PSEN1: variants seen among roughly 807,000 people sequenced by gnomAD.
The protein encoded by PSEN1 is presenilin-1.
In PSEN1, 15 loss-of-function variants were observed where a neutral mutation model predicts 53.5. That is an observed-to-expected ratio of 0.28 (90% CI 0.19 to 0.43). The LOEUF (loss-of-function observed/expected upper bound fraction) is 0.43. PSEN1 is among the 20% of genes least tolerant of loss of function. The pLI is 1.00. For synonymous variants in PSEN1, 208 were observed against 209.8 expected, an observed-to-expected ratio of 0.99 and a Z score of 0.08; for missense variants, 387 against 571.2, an observed-to-expected ratio of 0.68 and a Z score of 3.29.
intron 5 of PSEN1, among the ~76,000 whole-genome samples, chr14:73,175,229 C>T (rs559571258): frequency 6.6e-6 from 1 of 152,104 alleles, no homozygotes; most frequent in Non-Finnish European, 1.5e-5. Context: ...TGGGTTCAAG[C>T]GATTCTTCTG....
At chr14:73,139,999 A>G (rs1057330590) in intron 1 of PSEN1, among the ~76,000 whole-genome samples, 3 of 152,182 alleles carry the variant, frequency 2.0e-5, no homozygotes, top group Non-Finnish European at 4.4e-5. Flanking sequence ...ATCATTTTTC[A>G]TTAAAAATTA....
intron 5 of PSEN1, among the ~76,000 whole-genome samples, chr14:73,179,776 A>C (rs898589216): frequency 3.9e-5 from 6 of 152,170 alleles, no homozygotes; most frequent in African/African-American, 1.4e-4. Context: ...AAAAGTGGTC[A>C]GCTCACTGCT....
At chr14:73,195,121 G>C (rs1033222880) in intron 7 of PSEN1, among the ~76,000 whole-genome samples, 3 of 152,182 alleles carry the variant, frequency 2.0e-5, no homozygotes, top group African/African-American at 7.2e-5. Flanking sequence ...CTGTGAGTAA[G>C]AATGCCAGGT....
intron 10 of PSEN1, among the ~76,000 whole-genome samples, chr14:73,214,997 C>T (rs1051166880): frequency 1.3e-4 from 20 of 151,942 alleles, no homozygotes; most frequent in African/African-American, 4.8e-4. Flanking sequence ...CAATTTCGCT[C>T]GTTGCCTAGG....
intron 6 of PSEN1, chr14:73,189,899 TG>T: frequency 5.4e-6 from 1 of 186,234 alleles, no homozygotes. Flanking sequence ...CTTGACCGGG[TG>T]GGCACTGAGC....
intron 7 of PSEN1, among the ~76,000 whole-genome samples, chr14:73,197,218 C>T (rs1211285645): frequency 6.6e-6 from 1 of 152,124 alleles, no homozygotes. Context: ...CAGGCGTGAG[C>T]CACTGCGCCC....
intron 8 of PSEN1, among the ~76,000 whole-genome samples, chr14:73,204,040 C>T (rs190403365): frequency 1.1e-3 from 173 of 152,104 alleles, no homozygotes; most frequent in Non-Finnish European, 2.1e-3. Flanking sequence ...CTCTCATTGC[C>T]CAGGCTGGAG....
intron 5 of PSEN1, chr14:73,173,938 C>T (rs768509574): frequency 2.4e-5 from 15 of 622,354 alleles, no homozygotes; most frequent in Non-Finnish European, 4.3e-5. Flanking sequence ...TCACTTGGGC[C>T]CAGGAGTTCA....
At chr14:73,188,827 C>T (rs1209301649) in intron 6 of PSEN1, among the ~76,000 whole-genome samples, 1 of 152,056 alleles carries the variant, frequency 6.6e-6, no homozygotes, top group African/African-American at 2.4e-5. Context: ...CTCACTCTGT[C>T]ATCCAGGCTG....
chr14:73,185,615 A>G (rs1898480621), intron 5 of PSEN1, among the ~76,000 whole-genome samples: 2 of 152,006 alleles, frequency 1.3e-5, no homozygotes, highest in East Asian at 1.9e-4. Flanking sequence ...CCGTGGGGAG[A>G]GAGAGGGAGA....
rs200372973 is a variant in PSEN1, at chr14:73,219,679, T to G, written c.*390T>G. On this transcript the variant is annotated 3_prime_UTR_variant, in exon 12 of 12. Coordinates refer to ENST00000324501, the MANE Select transcript of PSEN1 (RefSeq NM_000021.4). The stretch of plus-strand genomic sequence containing the variant: ...TACCAAGAGGTTAGGTGAAGTGGTT[T>G]AAACCAAACGGAACTCTTCATCTTA... 1.3e-4 allele frequency: 38 copies of G among 283,454 alleles called. No homozygotes were observed. The highest frequency in any genetic ancestry group is 2.5e-4 in the Non-Finnish European group (36 of 144,910). 17.6% of individuals were successfully genotyped at this position (283,454 alleles called of 1,614,324 possible). A position where few individuals can be genotyped will look rare whatever the true frequency, so the allele number is the denominator to read the frequency against.
intron 9 of PSEN1, among the ~76,000 whole-genome samples, chr14:73,210,148 G>GAGAGATT (rs1270048057): frequency 6.6e-6 from 1 of 152,140 alleles, no homozygotes; most frequent in Admixed American, 6.5e-5. Context: ...CAAAAGAACT[G>GAGAGATT]AGAGATTACC....
chr14:73,206,600 A>C (rs1259652371), intron 9 of PSEN1, 128 bp downstream of exon 9: 1 of 710,134 alleles, frequency 1.4e-6, no homozygotes, highest in Admixed American at 2.1e-5. Context: ...GAACTATGAT[A>C]ATGCCCAGTA....
At chr14:73,217,475 TTTAA>T (rs1425029760) in intron 11 of PSEN1, among the ~76,000 whole-genome samples, 1 of 152,184 alleles carries the variant, frequency 6.6e-6, no homozygotes, top group Non-Finnish European at 1.5e-5. Context: ...TCTTACTCAA[TTTAA>T]TTGTGTAGTT....
At chr14:73,183,438 C>G (rs1898289015) in intron 5 of PSEN1, among the ~76,000 whole-genome samples, 1 of 151,868 alleles carries the variant, frequency 6.6e-6, no homozygotes, top group South Asian at 2.1e-4. Flanking sequence ...GGCAGAGGAC[C>G]CTGCGGCCTT....
intron 4 of PSEN1, 139 bp from the exon 5 acceptor site, chr14:73,173,427 T>C (rs539055952): frequency 2.5e-6 from 2 of 812,558 alleles, no homozygotes; most frequent in East Asian, 2.5e-5. Context: ...AATTCTTAGC[T>C]AGATTGGTGA....
intron 10 of PSEN1, among the ~76,000 whole-genome samples, chr14:73,216,613 G>A (rs2140144196): frequency 6.6e-6 from 1 of 152,154 alleles, no homozygotes; most frequent in South Asian, 2.1e-4. Flanking sequence ...AAAAAAATTA[G>A]CCAGGCATGG....
intron 1 of PSEN1, among the ~76,000 whole-genome samples, chr14:73,142,141 C>T (rs929528059): frequency 5.9e-5 from 9 of 151,874 alleles, no homozygotes; most frequent in African/African-American, 1.7e-4. Context: ...ATTTAGAGTT[C>T]GGTTACATTT....
At position 73,162,179 on chromosome 14, in the gene PSEN1, CA is replaced by C. The variant is rs539983327; in HGVS notation, c.88-8604del. On this transcript the variant is annotated intron_variant, in intron 3 of 11. Coordinates refer to ENST00000324501, the MANE Select transcript of PSEN1 (RefSeq NM_000021.4). ...GGGCAACAGGAGCAAAACTCCATCT[CA>C]AAAAAAAAAAAAAGTTAAATAGAAA... is the stretch of plus-strand genomic sequence containing the variant. Among the ~76,000 whole-genome samples the C allele has an allele frequency of 7.0e-3, 752 of 107,506 alleles. 4 individuals carry two copies. Among genetic ancestry groups the C allele is most frequent in the African/African-American group, 0.02 (579 of 28,286 alleles). The allele number at this position is 107,506 out of a possible 152,430, so 70.5% of individuals were successfully genotyped here.
Sources: allele counts gnomAD v4.1 joint callset (sites outside exome capture counted in the v4.1 genomes callset), GRCh38; gene constraint gnomAD v4.1.1; transcripts MANE v1.5; gene names NCBI Gene and HGNC (gene_info 2026-07-23, HGNC 2026-07-21).